The following ANKS1B variants were observed in gnomAD, a reference collection of about 807,000 sequenced individuals.
The protein encoded by ANKS1B is ankyrin repeat and sterile alpha motif domain containing 1B, also known as ankyrin repeat and sterile alpha motif domain-containing protein 1B.
In ANKS1B, 36 loss-of-function variants were observed where a neutral mutation model predicts 148.3. The ratio of observed to expected loss-of-function variants is 0.24; its 90% CI spans 0.19 to 0.32. The LOEUF is 0.32. Ranked by LOEUF, ANKS1B falls within the 10% of genes least tolerant of loss-of-function variation. The pLI, the probability that ANKS1B is intolerant of heterozygous loss-of-function variation, is 1.00. For missense variants in ANKS1B, 1,157 were observed against 1,542.6 expected, an observed-to-expected ratio of 0.75 and a Z score of 4.19; for synonymous variants, 542 against 560.8, an observed-to-expected ratio of 0.97 and a Z score of 0.47.
chr12:99,747,415 A>G (rs2060695545), intron 8 of ANKS1B, among the ~76,000 whole-genome samples: 1 of 151,818 alleles, frequency 6.6e-6, no homozygotes, highest in African/African-American at 2.4e-5. Flanking sequence ...TGACCACCCC[A>G]ATCCTCATCT....
chr12:99,474,984 C>G (rs1389564724), intron 10 of ANKS1B, among the ~76,000 whole-genome samples: 1 of 151,752 alleles, frequency 6.6e-6, no homozygotes, highest in African/African-American at 2.4e-5. Flanking sequence ...TGCCTGTAAT[C>G]CAAGCACACT....
At chr12:99,906,731 A>T (rs2093795401) in intron 1 of ANKS1B, among the ~76,000 whole-genome samples, 1 of 152,242 alleles carries the variant, frequency 6.6e-6, no homozygotes, top group African/African-American at 2.4e-5. Flanking sequence ...ATTTGGCACA[A>T]CTGCTTTTAA....
At chr12:98,939,277 T>C (rs2153004931) in intron 17 of ANKS1B, among the ~76,000 whole-genome samples, 1 of 152,368 alleles carries the variant, frequency 6.6e-6, no homozygotes, top group African/African-American at 2.4e-5. Flanking sequence ...TTAATTTGCA[T>C]CATGGATATC....
chr12:98,880,885 T>C (rs1596143695), intron 17 of ANKS1B, among the ~76,000 whole-genome samples: 1 of 152,084 alleles, frequency 6.6e-6, no homozygotes, highest in East Asian at 1.9e-4. Context: ...CCATAATTAC[T>C]GGAAGGAGAG....
At chr12:99,263,390 A>G (rs965574302) in intron 12 of ANKS1B, among the ~76,000 whole-genome samples, 5 of 151,986 alleles carry the variant, frequency 3.3e-5, no homozygotes, top group South Asian at 2.1e-4. Context: ...TTTTAGATTT[A>G]TAGTGTTACA....
chr12:98,823,485 GA>G (rs1164598989), intron 19 of ANKS1B, among the ~76,000 whole-genome samples: 2 of 152,168 alleles, frequency 1.3e-5, no homozygotes, highest in Admixed American at 6.5e-5. Context: ...TTAGTTTGGG[GA>G]AAAAAACACT....
intron 17 of ANKS1B, among the ~76,000 whole-genome samples, chr12:99,016,246 C>T (rs1488208969): frequency 2.0e-5 from 3 of 152,240 alleles, no homozygotes; most frequent in African/African-American, 7.2e-5. Context: ...ACACCCCTAA[C>T]ATAGCTATGC....
intron 11 of ANKS1B, among the ~76,000 whole-genome samples, chr12:99,413,224 TG>T (rs2094777680): frequency 6.6e-6 from 1 of 152,220 alleles, no homozygotes; most frequent in African/African-American, 2.4e-5. Flanking sequence ...TTTATAGACT[TG>T]AGATTCACAG....
chr12:98,738,570 A>G (rs1235940330), intron 9 of ANKS1B, among the ~76,000 whole-genome samples: 1 of 152,232 alleles, frequency 6.6e-6, no homozygotes, highest in African/African-American at 2.4e-5. Flanking sequence ...GTGGATCTGC[A>G]GACTGCAGCT....
At chr12:99,648,058 G>A in intron 9 of ANKS1B, 1 of 1,413,674 alleles carries the variant, frequency 7.1e-7, no homozygotes, top group South Asian at 1.4e-5. Flanking sequence ...AAGAAAGCCT[G>A]CAGAACACGA....
intron 8 of ANKS1B, among the ~76,000 whole-genome samples, chr12:99,736,406 GGACGCAAAA>G (rs2059620197): frequency 6.6e-6 from 1 of 151,768 alleles, no homozygotes; most frequent in Non-Finnish European, 1.5e-5. Context: ...TAAAGTTGCA[GGACGCAAAA>G]TCAGCACACA....
chr12:99,193,989 A>T (rs559756122), intron 14 of ANKS1B, among the ~76,000 whole-genome samples: 80 of 151,484 alleles, frequency 5.3e-4, no homozygotes, highest in Middle Eastern at 3.4e-3. Flanking sequence ...TTTAGTAGAG[A>T]TGGGGTTTCA....
At chr12:98,795,790 G>T (rs2098943274) in intron 22 of ANKS1B, 2 of 361,690 alleles carry the variant, frequency 5.5e-6, no homozygotes, top group South Asian at 4.3e-5. Flanking sequence ...GGACTGCCTG[G>T]TTTCAAATCC....
intron 1 of ANKS1B, among the ~76,000 whole-genome samples, chr12:99,827,924 G>C (rs895162064): frequency 4.6e-5 from 7 of 152,070 alleles, no homozygotes; most frequent in African/African-American, 1.4e-4. Context: ...ATATAATCCA[G>C]TCATTCCACT....
chr12:99,899,274 T>C (rs2093499908), intron 1 of ANKS1B, among the ~76,000 whole-genome samples: 1 of 152,168 alleles, frequency 6.6e-6, no homozygotes, highest in African/African-American at 2.4e-5. Context: ...AAAAAGCAGA[T>C]GGACTCAAAA....
chr12:99,983,672 G>A (rs1194068378), intron 1 of ANKS1B, among the ~76,000 whole-genome samples: 1 of 152,190 alleles, frequency 6.6e-6, no homozygotes, highest in Admixed American at 6.5e-5. Context: ...GAAGGTAGGA[G>A]CCACCGAAGG....
intron 17 of ANKS1B, among the ~76,000 whole-genome samples, chr12:98,926,199 C>T (rs1027973515): frequency 1.3e-5 from 2 of 152,174 alleles, no homozygotes; most frequent in Non-Finnish European, 2.9e-5. Context: ...CACCTTAATA[C>T]ACACACATAG....
intron 4 of ANKS1B, among the ~76,000 whole-genome samples, chr12:99,802,477 G>C (rs1231251469): frequency 2.6e-5 from 4 of 151,578 alleles, no homozygotes; most frequent in African/African-American, 4.9e-5. Context: ...AAGACTAAAG[G>C]GTTTATAAGT....
At chr12:98,752,208 C>T (rs754113845) in intron 25 of ANKS1B, among the ~76,000 whole-genome samples, 8 of 152,138 alleles carry the variant, frequency 5.3e-5, no homozygotes, top group Non-Finnish European at 1.2e-4. Flanking sequence ...GCCCTGACCA[C>T]CTTGGGCACA....
Sources: allele counts gnomAD v4.1 joint callset (sites outside exome capture counted in the v4.1 genomes callset), GRCh38; gene constraint gnomAD v4.1.1; transcripts MANE v1.5; gene names NCBI Gene and HGNC (gene_info 2026-07-23, HGNC 2026-07-21).